Variants in LARP4 observed in about 807,000 individuals in gnomAD.
LARP4 encodes the protein la-related protein 4.
LARP4 carries 29 observed loss-of-function variants against 92.9 expected under a neutral mutation model. The ratio of observed to expected loss-of-function variants is 0.31; its 90% CI spans 0.23 to 0.43. LARP4 has a LOEUF of 0.43. Among genes scored for constraint, LARP4 ranks in the 20% least tolerant of loss-of-function variants. The probability of loss-of-function intolerance (pLI) is 1.00; values close to 1 mark genes in which losing one functional copy is unlikely to be tolerated. For synonymous variants in LARP4, 279 were observed against 284.1 expected (o/e 0.98, Z 0.18); for missense variants, 732 against 860.0 (o/e 0.85, Z 1.86).
chr12:50,475,780 C>T lies in LARP4; in HGVS notation c.2091C>T (p.Arg697=). 1.9e-6 allele frequency: 3 copies of T among 1,614,102 alleles called. No individual in the cohort carries two copies. Among genetic ancestry groups the T allele is most frequent in the Non-Finnish European group, 2.5e-6 (3 of 1,180,030 alleles). ...CAGGAAAAATCAGGGAACAGAGACG[C>T]CAGTTTAGCCATAGGGCTATACCTC... ...GAAGKIREQR[R]QFSHRAIPQG... is the part of the protein sequence containing the mutation. The change falls in exon 16 of 16, where the codon CGC becomes CGT. Residue 697 remains arginine, a synonymous_variant. Transcript: ENST00000398473.
chr12:50,466,470 AT>A (rs1956162518), intron 12 of LARP4, among the ~76,000 whole-genome samples: 1 of 152,016 alleles, frequency 6.6e-6, no homozygotes, highest in Admixed American at 6.6e-5. Flanking sequence ...AAAAATAAAA[AT>A]TTAGCCAGGT....
At chr12:50,436,036 C>A (rs1461945538) in intron 5 of LARP4, among the ~76,000 whole-genome samples, 1 of 144,532 alleles carries the variant, frequency 6.9e-6, no homozygotes, top group African/African-American at 2.6e-5. Flanking sequence ...CCTTGGCTTC[C>A]CATTTTTACT....
At chr12:50,406,297 C>A (rs1030549939) in intron 1 of LARP4, among the ~76,000 whole-genome samples, 6 of 150,082 alleles carry the variant, frequency 4.0e-5, no homozygotes, top group Admixed American at 6.7e-5. Flanking sequence ...AAGTTAGACA[C>A]CCCCCACCCC....
At chr12:50,406,791 A>G (rs1009448505) in intron 1 of LARP4, among the ~76,000 whole-genome samples, 3 of 152,000 alleles carry the variant, frequency 2.0e-5, no homozygotes, top group Non-Finnish European at 2.9e-5. Context: ...ATCTCGGCTC[A>G]CTGCAATGTC....
intron 1 of LARP4, among the ~76,000 whole-genome samples, chr12:50,417,446 T>C (rs1202856459): frequency 3.3e-5 from 5 of 152,078 alleles, no homozygotes; most frequent in African/African-American, 1.2e-4. Context: ...CTTCTCCTGG[T>C]GGGGCTGTTT....
In LARP4 at chr12:50,400,893, C is replaced by A; in HGVS notation, c.-118C>A. 2.2e-6 allele frequency: 3 copies of A among 1,393,066 alleles called. No homozygotes were observed. Among genetic ancestry groups the A allele is most frequent in the Non-Finnish European group, 3.1e-6 (3 of 978,824 alleles). 86.3% of individuals were successfully genotyped at this position (1,393,066 alleles called of 1,614,324 possible). A position where few individuals can be genotyped will look rare whatever the true frequency, so the allele number is the denominator to read the frequency against. On this transcript the variant is annotated 5_prime_UTR_variant, in exon 1 of 16. Transcript: ENST00000398473. ...GCTGACGGCAGGGGAGGAGCCGGGT[C>A]CACTGCCGGGTGGAGGGGCAAGGCG... is the stretch of plus-strand genomic sequence containing the variant.
intron 1 of LARP4, among the ~76,000 whole-genome samples, chr12:50,408,890 C>T (rs1247618572): frequency 6.6e-6 from 1 of 151,888 alleles, no homozygotes; most frequent in South Asian, 2.1e-4. Flanking sequence ...TACCTGTAAT[C>T]CCAGCACTTT....
Position 50,409,479 on chromosome 12 carries a change from G to A in LARP4, c.18+8451G>A, listed in dbSNP as rs1288487956. Among the ~76,000 whole-genome samples the A allele has an allele frequency of 5.3e-5, 8 of 152,056 alleles. 1 individual carries two copies. The highest frequency in any genetic ancestry group is 1.2e-4 in the Non-Finnish European group (8 of 68,012). ...GGCCAGGAGTTCAAGACCCAACCAG[G>A]GCCAGGTGCAGTGGCTCATGCCTGT... On this transcript the variant is annotated intron_variant, in intron 1 of 15. Transcript: ENST00000398473.
chr12:50,453,829 T>C (rs573391203), intron 9 of LARP4, among the ~76,000 whole-genome samples, 157 bp downstream of exon 9: 200 of 152,200 alleles, frequency 1.3e-3, no homozygotes, highest in African/African-American at 4.8e-3. Flanking sequence ...GATGGAATTT[T>C]GCCATGTTGC....
chr12:50,409,543 T>G (rs1483793942), intron 1 of LARP4, among the ~76,000 whole-genome samples: 1 of 151,904 alleles, frequency 6.6e-6, no homozygotes, highest in Non-Finnish European at 1.5e-5. Context: ...GGTGGATCAC[T>G]TGAGGTCAGG....
intron 14 of LARP4, 151 bp from the exon 15 acceptor site, chr12:50,473,848 T>G: frequency 2.2e-6 from 1 of 453,508 alleles, no homozygotes; most frequent in African/African-American, 2.0e-5. Context: ...GGGCAGAGGT[T>G]GCAGTGAGCC....
intron 1 of LARP4, among the ~76,000 whole-genome samples, chr12:50,427,056 T>C (rs1468940313): frequency 1.3e-5 from 2 of 152,058 alleles, no homozygotes; most frequent in African/African-American, 4.8e-5. Flanking sequence ...TTACCTTAAA[T>C]GGCACTATTT....
intron 8 of LARP4, among the ~76,000 whole-genome samples, chr12:50,442,301 C>G (rs941722532): frequency 2.6e-5 from 4 of 152,162 alleles, no homozygotes; most frequent in Non-Finnish European, 4.4e-5. Context: ...TTAACTGCAT[C>G]ACTACGTACC....
chr12:50,447,326 AT>A lies in LARP4; in HGVS notation c.804+5687del, dbSNP rs146907758. ...GGTTTTATTAAAAGGGTCAGCAAAC[AT>A]TTTCTTTGAAGAGCCAAACAGTAAA... On this transcript the variant is annotated intron_variant, in intron 8 of 15. Transcript: ENST00000398473. Among the ~76,000 whole-genome samples, 141 of 152,264 alleles carry A rather than the reference AT, an allele frequency of 9.3e-4. 3 individuals are homozygous for A. In the East Asian group the frequency reaches 0.026, roughly 28 times the overall value.
chr12:50,450,857 A>C (rs1259459216), intron 8 of LARP4, among the ~76,000 whole-genome samples: 1 of 152,110 alleles, frequency 6.6e-6, no homozygotes. Flanking sequence ...AAGTCACTTC[A>C]TAATGGTGTT....
rs908966750 is a variant in LARP4, at chr12:50,475,736, A to G, written c.2047A>G (p.Ile683Val). 3 of 1,614,166 alleles carry G rather than the reference A, an allele frequency of 1.9e-6. No individual in the cohort carries two copies. The highest frequency in any genetic ancestry group is 1.3e-5 in the African/African-American group (1 of 75,040). ...SKDYSGFRGN[I>V]IPRGAAGKIR... The stretch of plus-strand genomic sequence containing the variant: ...GGATTATTCTGGCTTCCGAGGCAAT[A>G]TAATCCCCAGGGGAGCAGCAGGAAA... The change falls in exon 16 of 16, where the codon ATA (isoleucine) becomes GTA (valine). Residue 683 changes from isoleucine to valine, a missense_variant. Ile to Val is a conservative substitution (Grantham distance 29). Transcript: ENST00000398473.
rs1333538231 is a variant in LARP4, at chr12:50,469,225, ACG to A, written c.1545+2106_1545+2107del. Among the ~76,000 whole-genome samples, 4 of 152,146 alleles carry A rather than the reference ACG, an allele frequency of 2.6e-5. No homozygotes were observed. The East Asian group carries it at 7.7e-4, about 29-fold the overall frequency. Reference sequence around the variant, plus strand: ...TGTTTCTTTAAAAAAATATTGTGACACGTAGTAGTTATTTCATAAGTTCTAAG... The same window carrying A: ...TGTTTCTTTAAAAAAATATTGTGACATAGTAGTTATTTCATAAGTTCTAAG... On this transcript the variant is annotated intron_variant, in intron 13 of 15. Coordinates refer to ENST00000398473, the MANE Select transcript of LARP4 (RefSeq NM_052879.5).
chr12:50,414,651 G>A (rs1946461896), intron 1 of LARP4, among the ~76,000 whole-genome samples: 1 of 152,150 alleles, frequency 6.6e-6, no homozygotes, highest in Non-Finnish European at 1.5e-5. Flanking sequence ...TAATAGAAAT[G>A]ATAATATAAA....
At chr12:50,401,422 C>T in intron 1 of LARP4, 1 of 218,138 alleles carries the variant, frequency 4.6e-6, no homozygotes, top group Non-Finnish European at 9.2e-6. Flanking sequence ...CTCGCGGGGC[C>T]CCTCTGGGAG....
Sources: allele counts gnomAD v4.1 joint callset (sites outside exome capture counted in the v4.1 genomes callset), GRCh38; gene constraint gnomAD v4.1.1; transcripts MANE v1.5; gene names NCBI Gene and HGNC (gene_info 2026-07-23, HGNC 2026-07-21).